Variants in PPP1R9A observed in about 807,000 individuals in gnomAD.
The protein encoded by PPP1R9A is neurabin-1.
PPP1R9A carries 59 observed loss-of-function variants against 141.9 expected under a neutral mutation model. That is an observed-to-expected ratio of 0.42 (90% CI 0.34 to 0.52). The LOEUF (loss-of-function observed/expected upper bound fraction) is 0.52, where lower values mean the gene tolerates loss of function less well. PPP1R9A is among the 20% of genes least tolerant of loss of function. PPP1R9A has a pLI of 0.10. For synonymous variants in PPP1R9A, 500 were observed against 569.7 expected (o/e 0.88, Z 1.74); for missense variants, 1,444 against 1,611.9 (o/e 0.90, Z 1.78).
intron 7 of PPP1R9A, 135 bp from the exon 8 acceptor site, chr7:95,225,826 T>C (rs892185972): frequency 1.2e-6 from 1 of 834,560 alleles, no homozygotes; most frequent in Admixed American, 2.9e-5. Flanking sequence ...GCATGAGGCA[T>C]GCTTGGCTGA....
chr7:95,103,348 GT>G (rs1186802175), intron 2 of PPP1R9A, among the ~76,000 whole-genome samples: 3 of 97,388 alleles, frequency 3.1e-5, no homozygotes, highest in South Asian at 5.3e-4. Context: ...AGTATGTTTG[GT>G]TTTTTTTCAC....
chr7:95,232,810 G>A (rs1055938010), intron 8 of PPP1R9A, among the ~76,000 whole-genome samples: 5 of 152,128 alleles, frequency 3.3e-5, no homozygotes, highest in African/African-American at 9.6e-5. Context: ...GAATCAAAAC[G>A]ACAATGAGAT....
chr7:95,046,469 A>G (rs951715172), intron 2 of PPP1R9A, among the ~76,000 whole-genome samples: 7 of 152,240 alleles, frequency 4.6e-5, no homozygotes, highest in African/African-American at 1.7e-4. Flanking sequence ...GGCCTTTGGC[A>G]TTGCCTAAAA....
At chr7:95,075,618 A>G (rs1181836095) in intron 2 of PPP1R9A, among the ~76,000 whole-genome samples, 2 of 151,958 alleles carry the variant, frequency 1.3e-5, no homozygotes, top group Admixed American at 6.6e-5. Flanking sequence ...GGCGGATCAC[A>G]ATGTCAGGGG....
At chr7:94,931,604 G>A (rs572460057) in intron 2 of PPP1R9A, among the ~76,000 whole-genome samples, 2 of 152,142 alleles carry the variant, frequency 1.3e-5, no homozygotes, top group South Asian at 2.1e-4. Context: ...TTGAGAAGGA[G>A]TTTTGCTCTT....
At chr7:95,181,887 G>A (rs1186208785) in intron 5 of PPP1R9A, among the ~76,000 whole-genome samples, 1 of 150,546 alleles carries the variant, frequency 6.6e-6, no homozygotes, top group East Asian at 1.9e-4. Context: ...CGGCAACCTC[G>A]ATGAGATTGG....
At chr7:95,242,067 A>G (rs946860618) in intron 8 of PPP1R9A, among the ~76,000 whole-genome samples, 1 of 152,176 alleles carries the variant, frequency 6.6e-6, no homozygotes, top group African/African-American at 2.4e-5. Flanking sequence ...TTTTGCATAC[A>G]TGATTCCCTA....
At chr7:94,995,471 T>C (rs1347533446) in intron 2 of PPP1R9A, among the ~76,000 whole-genome samples, 1 of 152,034 alleles carries the variant, frequency 6.6e-6, no homozygotes, top group Non-Finnish European at 1.5e-5. Context: ...CATATTTTAC[T>C]TGATGCTCTT....
intron 4 of PPP1R9A, among the ~76,000 whole-genome samples, chr7:95,133,572 ATGT>A (rs1278562599): frequency 6.8e-6 from 1 of 146,362 alleles, no homozygotes; most frequent in Non-Finnish European, 1.5e-5. Flanking sequence ...TTTTACGAGT[ATGT>A]TGTTTCAAGA....
intron 2 of PPP1R9A, among the ~76,000 whole-genome samples, chr7:95,002,151 AC>A (rs1189176778): frequency 6.6e-6 from 1 of 152,086 alleles, no homozygotes; most frequent in Non-Finnish European, 1.5e-5. Context: ...AAACTTACTA[AC>A]CCCCAGTGAT....
intron 2 of PPP1R9A, among the ~76,000 whole-genome samples, chr7:95,000,843 A>T (rs1328798692): frequency 6.6e-6 from 1 of 152,214 alleles, no homozygotes; most frequent in African/African-American, 2.4e-5. Flanking sequence ...AAAAAAGGAT[A>T]CATAATCTAT....
intron 5 of PPP1R9A, among the ~76,000 whole-genome samples, chr7:95,179,862 A>G (rs1833479237): frequency 6.6e-6 from 1 of 151,922 alleles, no homozygotes. Context: ...AAACCTGCTG[A>G]AAGAAATCAT....
chr7:95,022,195 T>C (rs904439342), intron 2 of PPP1R9A, among the ~76,000 whole-genome samples: 9 of 152,216 alleles, frequency 5.9e-5, no homozygotes, highest in African/African-American at 1.9e-4. Flanking sequence ...ACATCCCTTG[T>C]AAGTTATATT....
chr7:95,223,740 A>G (rs561812150), intron 7 of PPP1R9A, among the ~76,000 whole-genome samples: 5 of 152,174 alleles, frequency 3.3e-5, no homozygotes, highest in African/African-American at 7.2e-5. Context: ...GAGTCATTCA[A>G]TGCTGTATAT....
At chr7:94,963,893 C>T (rs1797919289) in intron 2 of PPP1R9A, among the ~76,000 whole-genome samples, 1 of 152,122 alleles carries the variant, frequency 6.6e-6, no homozygotes, top group African/African-American at 2.4e-5. Flanking sequence ...TGGCATATCC[C>T]ATTGGCATAT....
chr7:95,018,709 TGTGCCAGCCTTCATCTGA>T (rs1805458665), intron 2 of PPP1R9A, among the ~76,000 whole-genome samples: 1 of 152,190 alleles, frequency 6.6e-6, no homozygotes, highest in Non-Finnish European at 1.5e-5. Flanking sequence ...TGACCCGCTG[TGTGCCAGCCTTCATCTGA>T]CCTTGCTTCT....
intron 2 of PPP1R9A, among the ~76,000 whole-genome samples, chr7:94,982,525 C>T (rs1465338964): frequency 6.6e-6 from 1 of 152,150 alleles, no homozygotes; most frequent in Non-Finnish European, 1.5e-5. Flanking sequence ...TTCTAACTGG[C>T]ATGAGATGGT....
chr7:94,952,096 A>T (rs879815984), intron 2 of PPP1R9A, among the ~76,000 whole-genome samples: 2 of 151,898 alleles, frequency 1.3e-5, no homozygotes, highest in Non-Finnish European at 2.9e-5. Context: ...TTCTAAGGTT[A>T]TCCCTCCCCT....
intron 8 of PPP1R9A, among the ~76,000 whole-genome samples, chr7:95,229,577 G>C (rs1795626312): frequency 6.6e-6 from 1 of 151,894 alleles, no homozygotes; most frequent in Admixed American, 6.6e-5. Context: ...CATTGGACTG[G>C]GAACCACAAC....
Sources: gnomAD v4.1 joint callset for allele counts (sites outside exome capture counted in the v4.1 genomes callset) on GRCh38, gnomAD v4.1.1 for gene constraint, MANE v1.5 for transcripts, NCBI Gene and HGNC (gene_info 2026-07-23, HGNC 2026-07-21) for gene names.